Variants in NDFIP2 observed in about 807,000 individuals in gnomAD.
NDFIP2 encodes NEDD4 family-interacting protein 2.
In NDFIP2, 19 loss-of-function variants were observed where a neutral mutation model predicts 36.0. The observed-to-expected ratio is 0.53, with a 90% CI of 0.37 to 0.77. The LOEUF is 0.77. NDFIP2 is among the 30% of genes least tolerant of loss of function. The probability of loss-of-function intolerance (pLI) is 0.00; values close to 1 mark genes in which losing one functional copy is unlikely to be tolerated. For missense variants in NDFIP2, 446 were observed against 435.8 expected (o/e 1.02, Z -0.21); for synonymous variants, 181 against 167.7 (o/e 1.08, Z -0.61).
chr13:79,489,738 A>G (rs1481515283), intron 1 of NDFIP2, among the ~76,000 whole-genome samples: 1 of 152,224 alleles, frequency 6.6e-6, no homozygotes, highest in East Asian at 1.9e-4. Context: ...GATTGAAGAT[A>G]TAGGAGGAAA....
At chr13:79,497,587 G>A (rs1306172432) in intron 1 of NDFIP2, among the ~76,000 whole-genome samples, 3 of 148,724 alleles carry the variant, frequency 2.0e-5, no homozygotes, top group African/African-American at 7.4e-5. Flanking sequence ...GTTCATAGTT[G>A]CTCTCCGTTG....
At position 79,552,999 on chromosome 13, in the gene NDFIP2, A is replaced by G. The variant is rs947677963; in HGVS notation, c.*486A>G. On this transcript the variant is annotated 3_prime_UTR_variant, in exon 8 of 8. Transcript: ENST00000218652. ...AAACATCTTTTGTTATATAAGGTGT[A>G]TTGAAACCTGCAGTGCTGATTATTA... is the stretch of plus-strand genomic sequence containing the variant. 6.6e-6 allele frequency: 1 copy of G among 151,858 alleles called. No individual in the cohort carries two copies. The highest frequency in any genetic ancestry group is 2.4e-5 in the African/African-American group (1 of 41,402). The allele number at this position is 151,858 out of a possible 1,614,324, so 9.4% of individuals were successfully genotyped here.
chr13:79,521,823 C>CTTTTT (rs577691451), intron 2 of NDFIP2, among the ~76,000 whole-genome samples: 2 of 130,498 alleles, frequency 1.5e-5, no homozygotes, highest in Non-Finnish European at 3.3e-5. Context: ...TTTCGTTTTG[C>CTTTTT]TTTTTTTTTT....
At chr13:79,492,526 C>T (rs1326169455) in intron 1 of NDFIP2, among the ~76,000 whole-genome samples, 2 of 152,022 alleles carry the variant, frequency 1.3e-5, no homozygotes, top group Non-Finnish European at 2.9e-5. Context: ...CTCAGCCTCC[C>T]AAGTAGTTGA....
At chr13:79,552,201 T>C (rs1246571149) in intron 7 of NDFIP2, among the ~76,000 whole-genome samples, 1 of 151,374 alleles carries the variant, frequency 6.6e-6, no homozygotes, top group Non-Finnish European at 1.5e-5. Context: ...AAGCAAAATA[T>C]CTTTGCAGAC....
chr13:79,483,136 G>A (rs1345884302), intron 1 of NDFIP2, among the ~76,000 whole-genome samples: 3 of 151,994 alleles, frequency 2.0e-5, no homozygotes, highest in Non-Finnish European at 4.4e-5. Flanking sequence ...AACTGACGAT[G>A]TGTCCTACAT....
chr13:79,523,169 C>T (rs1874651844), intron 2 of NDFIP2, among the ~76,000 whole-genome samples: 1 of 152,156 alleles, frequency 6.6e-6, no homozygotes, highest in South Asian at 2.1e-4. Context: ...ACAGCTAGCA[C>T]TGAACCCTAT....
Position 79,533,468 on chromosome 13 carries a change from T to A in NDFIP2, c.621+12T>A. The A allele has an allele frequency of 6.3e-7, 1 of 1,580,646 alleles. No homozygotes were observed. Among genetic ancestry groups the A allele is most frequent in the Non-Finnish European group, 8.6e-7 (1 of 1,169,398 alleles). ...AAACATCTCAAAGAGTAAGAAAATT[T>A]CATCATTTCTTTTGATAAAATTATT... On this transcript the variant is annotated intron_variant, in intron 3 of 7. Coordinates refer to ENST00000218652, the MANE Select transcript of NDFIP2 (RefSeq NM_019080.3).
intron 1 of NDFIP2, among the ~76,000 whole-genome samples, chr13:79,503,395 T>C (rs1873741081): frequency 6.6e-6 from 1 of 152,014 alleles, no homozygotes; most frequent in Non-Finnish European, 1.5e-5. Context: ...GACTAGAGAA[T>C]TGAGGGTGCA....
chr13:79,491,420 C>T (rs956749705), intron 1 of NDFIP2, among the ~76,000 whole-genome samples: 4 of 150,736 alleles, frequency 2.7e-5, no homozygotes, highest in African/African-American at 1.0e-4. Context: ...TAGTCTTCCT[C>T]TGTCTCTCTC....
intron 1 of NDFIP2, among the ~76,000 whole-genome samples, chr13:79,500,166 CAAAAAAA>C (rs771690443): frequency 2.6e-5 from 2 of 76,080 alleles, no homozygotes; most frequent in East Asian, 3.6e-4. Context: ...GATCCCCATG[CAAAAAAA>C]AAAAAAAAAA....
chr13:79,519,862 G>A (rs963546317), intron 1 of NDFIP2, among the ~76,000 whole-genome samples: 2 of 152,130 alleles, frequency 1.3e-5, no homozygotes, highest in Non-Finnish European at 2.9e-5. Context: ...GTGCATTGGC[G>A]CAATTTTGGC....
intron 6 of NDFIP2, among the ~76,000 whole-genome samples, chr13:79,550,459 A>G (rs1875861097): frequency 6.6e-6 from 1 of 151,644 alleles, no homozygotes; most frequent in African/African-American, 2.4e-5. Flanking sequence ...TTATTACTTC[A>G]AAATAAGAAC....
intron 1 of NDFIP2, among the ~76,000 whole-genome samples, chr13:79,494,172 T>C (rs780218080): frequency 6.6e-6 from 1 of 152,134 alleles, no homozygotes; most frequent in Non-Finnish European, 1.5e-5. Context: ...GCCTCTTGGG[T>C]TCAAATCTTG....
intron 1 of NDFIP2, among the ~76,000 whole-genome samples, chr13:79,487,471 A>G (rs990520221): frequency 6.6e-6 from 1 of 152,176 alleles, no homozygotes; most frequent in African/African-American, 2.4e-5. Context: ...TAAAGCTGTT[A>G]TATTCTTGTA....
chr13:79,539,603 T>C, intron 3 of NDFIP2, 79 bp from the exon 4 acceptor site: 1 of 1,118,942 alleles, frequency 8.9e-7, no homozygotes, highest in Non-Finnish European at 1.3e-6. Flanking sequence ...CATTAGATGT[T>C]GCTGAAGTTC....
chr13:79,517,462 G>A (rs953563491), intron 1 of NDFIP2, among the ~76,000 whole-genome samples: 2 of 151,466 alleles, frequency 1.3e-5, no homozygotes, highest in Non-Finnish European at 2.9e-5. Context: ...TTTAACCCTC[G>A]TGATGGATTT....
intron 2 of NDFIP2, among the ~76,000 whole-genome samples, chr13:79,529,744 G>A (rs1184036939): frequency 6.6e-6 from 1 of 152,120 alleles, no homozygotes; most frequent in East Asian, 1.9e-4. Flanking sequence ...TACAGTAGAA[G>A]TATTGCTAGA....
chr13:79,546,529 G>A (rs1875688002), intron 5 of NDFIP2, among the ~76,000 whole-genome samples: 1 of 152,050 alleles, frequency 6.6e-6, no homozygotes, highest in African/African-American at 2.4e-5. Context: ...CAATCAACAT[G>A]ATTGGTTTAC....
Sources: allele counts gnomAD v4.1 joint callset (sites outside exome capture counted in the v4.1 genomes callset), GRCh38; gene constraint gnomAD v4.1.1; transcripts MANE v1.5; gene names NCBI Gene and HGNC (gene_info 2026-07-23, HGNC 2026-07-21).